The following STK4 variants were observed in gnomAD, a reference collection of about 807,000 sequenced individuals.
STK4 encodes the protein serine/threonine-protein kinase 4.
A neutral mutation model predicts 64.9 loss-of-function variants in STK4; 30 were observed. The observed-to-expected ratio is 0.46, with a 90% CI of 0.35 to 0.63. The LOEUF is 0.63. Ranked by LOEUF, STK4 falls within the 20% of genes least tolerant of loss-of-function variation. The pLI, the probability that STK4 is intolerant of heterozygous loss-of-function variation, is 0.01. For synonymous variants in STK4, 177 were observed against 199.0 expected (o/e 0.89, Z 0.93); for missense variants, 466 against 598.5 (o/e 0.78, Z 2.31).
At chr20:45,039,798 A>G (rs985930996) in intron 10 of STK4, among the ~76,000 whole-genome samples, 1 of 152,168 alleles carries the variant, frequency 6.6e-6, no homozygotes, top group African/African-American at 2.4e-5. Context: ...TAAAGAATGC[A>G]ATAACTGCTG....
Position 45,032,218 on chromosome 20 carries a change from A to G in STK4, c.1305+7088A>G, listed in dbSNP as rs556149914. On this transcript the variant is annotated intron_variant, in intron 10 of 10. Coordinates refer to ENST00000372806, the MANE Select transcript of STK4 (RefSeq NM_006282.5). The stretch of plus-strand genomic sequence containing the variant: ...ACAGAAAATAGACAAAATTTCTAAT[A>G]TATATGAAACTTTAAAAACATGGAA... Among the ~76,000 whole-genome samples, 7 of 152,350 alleles carry G rather than the reference A, an allele frequency of 4.6e-5. No homozygotes were observed. In the South Asian group the frequency reaches 1.0e-3, roughly 23 times the overall value.
chr20:45,013,668 T>C (rs2068092287), intron 9 of STK4, among the ~76,000 whole-genome samples: 4 of 152,206 alleles, frequency 2.6e-5, no homozygotes, highest in Admixed American at 2.6e-4. Context: ...TGTTATTAAT[T>C]TTCATTAAAT....
At chr20:45,034,890 C>G (rs1364458327) in intron 10 of STK4, among the ~76,000 whole-genome samples, 1 of 152,008 alleles carries the variant, frequency 6.6e-6, no homozygotes, top group Non-Finnish European at 1.5e-5. Flanking sequence ...GTATACTGCC[C>G]TGAGTGACAG....
At chr20:45,042,454 A>T (rs1484312841) in intron 10 of STK4, among the ~76,000 whole-genome samples, 1 of 152,202 alleles carries the variant, frequency 6.6e-6, no homozygotes, top group Non-Finnish European at 1.5e-5. Context: ...AAGAAAAAAC[A>T]TGATGCAGAA....
At chr20:45,007,793 AG>A in intron 9 of STK4, 1 of 425,304 alleles carries the variant, frequency 2.4e-6, no homozygotes, top group Admixed American at 2.7e-5. Flanking sequence ...TTTTACATAC[AG>A]GGGGTACATG....
chr20:45,026,128 G>GGT (rs1490924969), intron 10 of STK4, among the ~76,000 whole-genome samples: 3 of 128,964 alleles, frequency 2.3e-5, no homozygotes, highest in African/African-American at 6.0e-5. Flanking sequence ...TTATCCAGTG[G>GGT]TTTTTTTTTT....
At chr20:44,967,050 C>T in intron 1 of STK4, 1 of 694,624 alleles carries the variant, frequency 1.4e-6, no homozygotes. Context: ...TTGAGGGGTG[C>T]GGTGGGGGGA....
intron 5 of STK4, among the ~76,000 whole-genome samples, chr20:44,992,186 G>A (rs1342720017): frequency 1.3e-5 from 2 of 151,544 alleles, no homozygotes; most frequent in East Asian, 3.9e-4. Context: ...TTGATGTCAT[G>A]CTTAAAAAAT....
intron 10 of STK4, among the ~76,000 whole-genome samples, chr20:45,066,508 C>G (rs913022998): frequency 6.6e-6 from 1 of 152,250 alleles, no homozygotes; most frequent in Admixed American, 6.5e-5. Flanking sequence ...CTAAGAGATC[C>G]GTGTCAGAGG....
chr20:45,012,723 C>T (rs1002687211), intron 9 of STK4, among the ~76,000 whole-genome samples: 4 of 151,280 alleles, frequency 2.6e-5, no homozygotes, highest in African/African-American at 9.7e-5. Context: ...AAAATGGAGA[C>T]AGTCTTATTG....
intron 10 of STK4, among the ~76,000 whole-genome samples, chr20:45,045,794 C>CT (rs35984358): frequency 2.2e-4 from 33 of 150,120 alleles, no homozygotes; most frequent in Non-Finnish European, 2.5e-4. Context: ...CAGAAAGTGT[C>CT]TTTTTTTTTT....
chr20:45,047,766 A>G (rs190389410), intron 10 of STK4, among the ~76,000 whole-genome samples: 5 of 152,320 alleles, frequency 3.3e-5, no homozygotes, highest in African/African-American at 1.2e-4. Flanking sequence ...CTAATCTATT[A>G]TTAATATGTG....
intron 10 of STK4, among the ~76,000 whole-genome samples, chr20:45,026,128 G>GGTTTTTTTTTTTTT (rs1490924969): frequency 1.2e-4 from 16 of 128,966 alleles, no homozygotes; most frequent in African/African-American, 4.5e-4. Flanking sequence ...TTATCCAGTG[G>GGTTTTTTTTTTTTT]TTTTTTTTTT....
chr20:45,017,540 T>TG, intron 9 of STK4, among the ~76,000 whole-genome samples: 1 of 152,184 alleles, frequency 6.6e-6, no homozygotes, highest in Non-Finnish European at 1.5e-5. Flanking sequence ...GAAGCAGATG[T>TG]GGGTGTTGAC....
intron 10 of STK4, among the ~76,000 whole-genome samples, chr20:45,032,880 T>C (rs955269751): frequency 4.6e-5 from 7 of 152,158 alleles, no homozygotes; most frequent in African/African-American, 1.7e-4. Flanking sequence ...CTAATTTACA[T>C]TCCCACCAGC....
intron 1 of STK4, among the ~76,000 whole-genome samples, chr20:44,970,248 A>G (rs940483865): frequency 1.3e-4 from 11 of 85,550 alleles, no homozygotes; most frequent in African/African-American, 3.8e-4. Context: ...AAAAAAAAGA[A>G]AAAAAAAGTT....
intron 10 of STK4, among the ~76,000 whole-genome samples, chr20:45,057,951 T>A (rs1978632234): frequency 6.6e-6 from 1 of 152,094 alleles, no homozygotes; most frequent in Non-Finnish European, 1.5e-5. Context: ...ATATACATAC[T>A]AATGCTTTTA....
chr20:44,968,725 C>T (rs1404644586), intron 1 of STK4, among the ~76,000 whole-genome samples: 1 of 152,178 alleles, frequency 6.6e-6, no homozygotes, highest in Non-Finnish European at 1.5e-5. Flanking sequence ...ATTCCTGTAC[C>T]TTTTGGATTT....
Position 44,987,053 on chromosome 20 carries a change from G to C in STK4, c.361-79G>C, listed in dbSNP as rs568173451. On this transcript the variant is annotated intron_variant, in intron 4 of 10. Transcript: ENST00000372806. ...TAAGATCTGTTTATATTAAAGAAAG[G>C]TTTGGATCTGATTTTTTCTCCTTTT... 35 of 1,218,690 alleles carry C rather than the reference G, an allele frequency of 2.9e-5. No homozygotes were observed. The African/African-American group carries it at 4.9e-4, about 17-fold the overall frequency. The allele number at this position is 1,218,690 out of a possible 1,614,324, so 75.5% of individuals were successfully genotyped here.
Sources: allele counts gnomAD v4.1 joint callset (sites outside exome capture counted in the v4.1 genomes callset), GRCh38; gene constraint gnomAD v4.1.1; transcripts MANE v1.5; gene names NCBI Gene and HGNC (gene_info 2026-07-23, HGNC 2026-07-21).